ATXN8OS: variants seen among roughly 807,000 people sequenced by gnomAD.
The protein encoded by ATXN8OS is ATXN8 opposite strand lncRNA, also known as ATXN8 opposite strand (non-protein coding).
chr13:70,145,255 C>G (rs1888766403), intron 3 of ATXN8OS, among the ~76,000 whole-genome samples: 1 of 152,026 alleles, frequency 6.6e-6, no homozygotes, highest in African/African-American at 2.4e-5. Flanking sequence ...TTACTGTAGC[C>G]TTGTAGTATA....
At chr13:70,133,486 C>T (rs1002544078) in intron 3 of ATXN8OS, among the ~76,000 whole-genome samples, 4 of 152,096 alleles carry the variant, frequency 2.6e-5, no homozygotes, top group African/African-American at 4.8e-5. Context: ...AACTGTGTTT[C>T]CCCACAAAGA....
chr13:70,159,927 C>T (rs1593777389), intron 4 of ATXN8OS, among the ~76,000 whole-genome samples: 1 of 152,108 alleles, frequency 6.6e-6, no homozygotes, highest in African/African-American at 2.4e-5. Context: ...GTCCATTCAT[C>T]GATTGATGTG....
intron 3 of ATXN8OS, chr13:70,130,572 T>C (rs1431392304): frequency 2.5e-6 from 1 of 396,844 alleles, no homozygotes; most frequent in African/African-American, 2.1e-5. Flanking sequence ...GAAACAACTT[T>C]TGAGATACCA....
In ATXN8OS at chr13:70,139,542, TTGA is replaced by T. The variant is rs1322983131; in HGVS notation, n.500-7811_500-7809del. 4.9e-5 allele frequency: 24 copies of T among 492,602 alleles called. 1 individual carries two copies. The highest frequency in any genetic ancestry group is 1.6e-4 in the Admixed American group (5 of 32,194). The allele number at this position is 492,602 out of a possible 1,614,324, so 30.5% of individuals were successfully genotyped here. A position where few individuals can be genotyped will look rare whatever the true frequency, so the allele number is the denominator to read the frequency against. On this transcript the variant is annotated intron_variant and non_coding_transcript_variant, in intron 3 of 4. Coordinates refer to ENST00000678624, the Ensembl canonical transcript of ATXN8OS. ...TACTTAAGAATTTATGAATAAAGAATTGATTTTTCAATACATCCTTCCAAAAAT... is the reference window on the plus strand; with the variant it reads ...TACTTAAGAATTTATGAATAAAGAATTTTTTCAATACATCCTTCCAAAAAT...
At chr13:70,112,910 T>TAC (rs1176596136) in intron 1 of ATXN8OS, among the ~76,000 whole-genome samples, 83 of 60,186 alleles carry the variant, frequency 1.4e-3, no homozygotes, top group Non-Finnish European at 1.9e-3. Context: ...TGAGGGACTT[T>TAC]ATATATATAA....
chr13:70,164,768 C>T (rs1889059565), intron 4 of ATXN8OS, among the ~76,000 whole-genome samples: 1 of 151,874 alleles, frequency 6.6e-6, no homozygotes, highest in Admixed American at 6.6e-5. Flanking sequence ...TGCCTGGAGC[C>T]CTTTATCCAT....
intron 3 of ATXN8OS, among the ~76,000 whole-genome samples, chr13:70,139,718 C>T (rs1332572135): frequency 6.6e-6 from 1 of 152,102 alleles, no homozygotes; most frequent in Non-Finnish European, 1.5e-5. Flanking sequence ...ACAGTATTCA[C>T]TGTATATTAG....
chr13:70,117,139 A>C (rs951900747), intron 2 of ATXN8OS, among the ~76,000 whole-genome samples: 3 of 152,092 alleles, frequency 2.0e-5, no homozygotes, highest in African/African-American at 7.2e-5. Flanking sequence ...TAAGGACTAT[A>C]GTCAACAATG....
At chr13:70,152,315 T>A (rs547810267) in intron 4 of ATXN8OS, among the ~76,000 whole-genome samples, 1 of 151,768 alleles carries the variant, frequency 6.6e-6, no homozygotes, top group Non-Finnish European at 1.5e-5. Flanking sequence ...ATGTTTTCTT[T>A]ATATCGTCTA....
intron 2 of ATXN8OS, among the ~76,000 whole-genome samples, chr13:70,128,720 C>T (rs1566598915): frequency 6.6e-6 from 1 of 151,996 alleles, no homozygotes; most frequent in South Asian, 2.1e-4. Context: ...TTTTTGTATA[C>T]TAAAATATTG....
At chr13:70,115,424 T>A in intron 2 of ATXN8OS, 2 of 395,316 alleles carry the variant, frequency 5.1e-6, no homozygotes, top group Admixed American at 4.4e-5. Context: ...CAGAAGAATG[T>A]GAAGAAATAA....
At chr13:70,135,637 T>C (rs1470467864) in intron 3 of ATXN8OS, among the ~76,000 whole-genome samples, 1 of 144,546 alleles carries the variant, frequency 6.9e-6, no homozygotes, top group Non-Finnish European at 1.6e-5. Context: ...CTTTTTTTCT[T>C]ACATTCCTTT....
At chr13:70,163,240 T>C (rs1889031552) in intron 4 of ATXN8OS, among the ~76,000 whole-genome samples, 1 of 152,074 alleles carries the variant, frequency 6.6e-6, no homozygotes, top group Admixed American at 6.6e-5. Context: ...TTATCATCTA[T>C]TTACAGATGA....
At chr13:70,167,402 T>C (rs200966936) in intron 4 of ATXN8OS, among the ~76,000 whole-genome samples, 3 of 151,720 alleles carry the variant, frequency 2.0e-5, no homozygotes, top group South Asian at 2.1e-4. Context: ...CAGCAAACCA[T>C]GGCAAGGAAA....
chr13:70,149,589 G>A (rs1432144886), intron 4 of ATXN8OS, among the ~76,000 whole-genome samples: 2 of 152,086 alleles, frequency 1.3e-5, no homozygotes, highest in Non-Finnish European at 1.5e-5. Context: ...ATAATATTGT[G>A]TCATAACTAT....
At chr13:70,150,375 G>A (rs1252459678) in intron 4 of ATXN8OS, among the ~76,000 whole-genome samples, 1 of 151,998 alleles carries the variant, frequency 6.6e-6, no homozygotes, top group Admixed American at 6.6e-5. Flanking sequence ...TTGAACAAGG[G>A]TAACAACAAT....
chr13:70,169,242 C>T (rs999322240), intron 4 of ATXN8OS, among the ~76,000 whole-genome samples: 6 of 152,036 alleles, frequency 3.9e-5, no homozygotes, highest in South Asian at 2.1e-4. Flanking sequence ...TTTGTAGCAA[C>T]GAAAGAATAG....
At chr13:70,120,550 T>C (rs7993898) in intron 2 of ATXN8OS, among the ~76,000 whole-genome samples, 11,069 of 152,256 alleles carry the variant, frequency 0.073, 643 homozygotes, top group East Asian at 0.32. Context: ...CCATGCACTA[T>C]AAAGCAAGCT....
chr13:70,140,276 A>G (rs1336180056), intron 3 of ATXN8OS, among the ~76,000 whole-genome samples: 2 of 152,058 alleles, frequency 1.3e-5, no homozygotes, highest in African/African-American at 4.8e-5. Context: ...TTATTTTTGT[A>G]TTTTCTGACC....
Sources: allele counts gnomAD v4.1 joint callset (sites outside exome capture counted in the v4.1 genomes callset), GRCh38; gene constraint gnomAD v4.1.1; transcripts MANE v1.5; gene names NCBI Gene and HGNC (gene_info 2026-07-23, HGNC 2026-07-21).